CA10: variants seen among roughly 807,000 people sequenced by gnomAD.
The protein encoded by CA10 is carbonic anhydrase-related protein 10.
Under a neutral mutation model 44.2 loss-of-function variants are expected in CA10, and 14 were observed. That is an observed-to-expected ratio of 0.32 (90% CI 0.21 to 0.50). The LOEUF is 0.50. Among genes scored for constraint, CA10 ranks in the 20% least tolerant of loss-of-function variants. The probability of loss-of-function intolerance (pLI) is 0.99; values close to 1 mark genes in which losing one functional copy is unlikely to be tolerated. For synonymous variants in CA10, 159 were observed against 141.6 expected (o/e 1.12, Z -0.87); for missense variants, 350 against 409.7 (o/e 0.85, Z 1.26).
chr17:51,898,065 C>A (rs1300052917), intron 3 of CA10, among the ~76,000 whole-genome samples: 1 of 152,028 alleles, frequency 6.6e-6, no homozygotes, highest in Non-Finnish European at 1.5e-5. Context: ...CTTTCTTTCT[C>A]ATTCCTGATT....
In CA10 at chr17:51,841,186, A is replaced by G. The variant is rs80289838; in HGVS notation, c.279+89804T>C. ...TCCTACAGCAGTATGTCCAGACCTC[A>G]CCCTCCCACACCACCCTTAAGCCTT... On this transcript the variant is annotated intron_variant, in intron 3 of 8. Coordinates refer to ENST00000451037, the MANE Select transcript of CA10 (RefSeq NM_020178.5). Among the ~76,000 whole-genome samples, 578 of 151,956 alleles carry G rather than the reference A, an allele frequency of 3.8e-3. 5 individuals carry two copies. Among genetic ancestry groups the G allele is most frequent in the African/African-American group, 0.013 (538 of 41,430 alleles).
chr17:51,717,823 GTGTGTGTATA>G (rs1916201588), intron 4 of CA10, among the ~76,000 whole-genome samples: 1 of 9,962 alleles, frequency 1.0e-4, no homozygotes, highest in African/African-American at 3.7e-4. Flanking sequence ...GTATATATAT[GTGTGTGTATA>G]TATATATATA....
At chr17:51,790,887 T>C (rs187439219) in intron 3 of CA10, among the ~76,000 whole-genome samples, 1 of 152,354 alleles carries the variant, frequency 6.6e-6, no homozygotes, top group East Asian at 1.9e-4. Context: ...ATCTCTGTTT[T>C]GGGGGCATGG....
intron 4 of CA10, among the ~76,000 whole-genome samples, chr17:51,660,056 G>C (rs934806896): frequency 2.2e-4 from 33 of 152,312 alleles, no homozygotes; most frequent in African/African-American, 7.9e-4. Flanking sequence ...CTCAGCCCAT[G>C]ACTTTTAAAA....
rs772450327 is a variant in CA10 at position 51,633,378 on chromosome 17, C to T, written c.964+98G>A. 1,209 of 1,159,804 alleles carry T rather than the reference C, an allele frequency of 1.0e-3. 3 individuals carry two copies. Among genetic ancestry groups the T allele is most frequent in the Non-Finnish European group, 1.2e-3 (972 of 818,118 alleles). 71.8% of individuals were successfully genotyped at this position (1,159,804 alleles called of 1,614,324 possible). A position where few individuals can be genotyped will look rare whatever the true frequency, so the allele number is the denominator to read the frequency against. ...GCTATTGTCATTTACAGTCATCATT[C>T]CTATAATGGAAGATAATGCCAGGCC... On this transcript the variant is annotated intron_variant, in intron 8 of 8. Transcript: ENST00000451037.
At chr17:52,121,144 G>C (rs1989006895) in intron 1 of CA10, among the ~76,000 whole-genome samples, 1 of 152,148 alleles carries the variant, frequency 6.6e-6, no homozygotes, top group African/African-American at 2.4e-5. Flanking sequence ...CTTAAATGCT[G>C]TCAGAGTTTT....
intron 2 of CA10, among the ~76,000 whole-genome samples, chr17:51,943,047 G>A (rs888160540): frequency 1.3e-5 from 2 of 152,124 alleles, no homozygotes; most frequent in African/African-American, 4.8e-5. Flanking sequence ...TGTAGAATGA[G>A]TGGAGAATTA....
chr17:52,141,489 C>T (rs76831040), intron 1 of CA10, among the ~76,000 whole-genome samples: 1,903 of 152,290 alleles, frequency 0.012, 37 homozygotes, highest in African/African-American at 0.043. Context: ...TTTGATTCAA[C>T]TGTTTCTCAG....
Position 51,984,093 on chromosome 17 carries a change from A to G in CA10, c.137-52961T>C, listed in dbSNP as rs185147846. Among the ~76,000 whole-genome samples the G allele has an allele frequency of 4.6e-5, 7 of 151,900 alleles. No individual in the cohort carries two copies. In the Admixed American group the frequency reaches 4.6e-4, roughly 10 times the overall value. On this transcript the variant is annotated intron_variant, in intron 2 of 8. Transcript: ENST00000451037. ...TCAAGTTTTAATGAATTCTGATTCT[A>G]TTAGACTACTAATGTAATGAAAGCA...
chr17:52,030,748 C>G (rs1011333543), intron 2 of CA10, among the ~76,000 whole-genome samples: 1 of 152,152 alleles, frequency 6.6e-6, no homozygotes, highest in Non-Finnish European at 1.5e-5. Flanking sequence ...GTCAATCTAT[C>G]TGCTGAAACT....
intron 3 of CA10, among the ~76,000 whole-genome samples, chr17:51,784,494 G>A (rs1258840075): frequency 6.6e-6 from 1 of 152,118 alleles, no homozygotes; most frequent in Admixed American, 6.6e-5. Flanking sequence ...TCCACTAACC[G>A]ACCTCTGTTT....
intron 4 of CA10, among the ~76,000 whole-genome samples, chr17:51,701,841 G>A (rs879347736): frequency 1.3e-5 from 2 of 152,074 alleles, no homozygotes; most frequent in Non-Finnish European, 2.9e-5. Flanking sequence ...AAGGTTTTAC[G>A]ACTAGAGACA....
At chr17:52,151,307 T>G (rs1989698282) in intron 1 of CA10, among the ~76,000 whole-genome samples, 1 of 152,182 alleles carries the variant, frequency 6.6e-6, no homozygotes, top group Non-Finnish European at 1.5e-5. Flanking sequence ...ATTTTGTTTT[T>G]TAAATATCTT....
chr17:52,115,565 G>A (rs556031444), intron 1 of CA10, among the ~76,000 whole-genome samples: 1 of 152,298 alleles, frequency 6.6e-6, no homozygotes, highest in East Asian at 1.9e-4. Flanking sequence ...GACTGTAATG[G>A]CAGCTATCTT....
At chr17:51,797,101 C>T (rs1906739926) in intron 3 of CA10, among the ~76,000 whole-genome samples, 1 of 152,192 alleles carries the variant, frequency 6.6e-6, no homozygotes, top group Admixed American at 6.5e-5. Flanking sequence ...ACCAAGAGAG[C>T]CTTTGCACAG....
At chr17:52,135,585 C>A (rs1200604322) in intron 1 of CA10, among the ~76,000 whole-genome samples, 1 of 152,146 alleles carries the variant, frequency 6.6e-6, no homozygotes, top group Non-Finnish European at 1.5e-5. Flanking sequence ...CGTTCCTATT[C>A]CCTTTACCTC....
chr17:51,912,064 C>T (rs1482517556), intron 3 of CA10, among the ~76,000 whole-genome samples: 1 of 152,062 alleles, frequency 6.6e-6, no homozygotes, highest in African/African-American at 2.4e-5. Context: ...CTATAAAGCC[C>T]ACAAATCTAG....
intron 2 of CA10, among the ~76,000 whole-genome samples, chr17:51,938,753 G>C (rs939281668): frequency 6.6e-6 from 1 of 151,998 alleles, no homozygotes. Flanking sequence ...ATTCTCTTTT[G>C]CTGATCACCC....
chr17:51,950,466 C>A (rs1168332839), intron 2 of CA10, among the ~76,000 whole-genome samples: 10 of 152,150 alleles, frequency 6.6e-5, no homozygotes, highest in African/African-American at 2.4e-4. Context: ...AGAGAGATGC[C>A]TGGACGTTTA....
Sources: allele counts gnomAD v4.1 joint callset (sites outside exome capture counted in the v4.1 genomes callset), GRCh38; gene constraint gnomAD v4.1.1; transcripts MANE v1.5; gene names NCBI Gene and HGNC (gene_info 2026-07-23, HGNC 2026-07-21).